The following CLK1 variants were observed in gnomAD, a reference collection of about 807,000 sequenced individuals.
The protein encoded by CLK1 is dual specificity protein kinase CLK1.
Under a neutral mutation model 60.9 loss-of-function variants are expected in CLK1, and 40 were observed. That is an observed-to-expected ratio of 0.66 (90% CI 0.51 to 0.86). The LOEUF is 0.86. CLK1 is among the 40% of genes least tolerant of loss of function. The pLI, the probability that CLK1 is intolerant of heterozygous loss-of-function variation, is 0.00. For synonymous variants in CLK1, 203 were observed against 184.4 expected (o/e 1.10, Z -0.82); for missense variants, 563 against 606.1 (o/e 0.93, Z 0.75).
chr2:200,856,771 A>G lies in CLK1; in HGVS notation c.968T>C (p.Val323Ala). Residue 323 changes from valine (V) to alanine (A), a missense_variant, in exon 9 of 13, where the codon GTT (valine) becomes GCT (alanine). Transcript: ENST00000321356. Reference sequence around the variant, plus strand: ...ATATGTTGCACTACCAAAGTCTACAACTTTAATATCTGGATTTATTAAGGT... The same window carrying G: ...ATATGTTGCACTACCAAAGTCTACAGCTTTAATATCTGGATTTATTAAGGT... ...ERTLINPDIK[V>A]VDFGSATYDD... The G allele has an allele frequency of 1.9e-6, 3 of 1,613,838 alleles. No individual in the cohort carries two copies. Among genetic ancestry groups the G allele is most frequent in the Non-Finnish European group, 1.7e-6 (2 of 1,179,870 alleles).
intron 11 of CLK1, 95 bp downstream of exon 11, chr2:200,854,521 G>A: frequency 1.3e-6 from 1 of 741,684 alleles, no homozygotes; most frequent in East Asian, 2.5e-5. Flanking sequence ...GGGCAACAGA[G>A]CAAGACTCCA....
Position 200,856,974 on chromosome 2 carries a change from T to TAC in CLK1, c.842_843dup (p.Asn282ValfsTer4). The TAC allele has an allele frequency of 6.2e-7, 1 of 1,613,638 alleles. No homozygotes were observed. Among genetic ancestry groups the TAC allele is most frequent in the Non-Finnish European group, 8.5e-7 (1 of 1,179,684 alleles). ...TTTAAGTCTGTGTGAGTCAACTTATTACTGTGCAAAACTGAGAATAAAGAG... is the reference window on the plus strand; with the variant it reads ...TTTAAGTCTGTGTGAGTCAACTTATTACACTGTGCAAAACTGAGAATAAAGAG... On this transcript the variant is annotated frameshift_variant, in exon 8 of 13. Coordinates refer to ENST00000321356, the MANE Select transcript of CLK1 (RefSeq NM_004071.4). LOFTEE classifies it high-confidence loss of function.
At position 200,859,752 on chromosome 2, in the gene CLK1, AG is replaced by A. The variant is rs780344450; in HGVS notation, c.482-7del. 6.2e-7 allele frequency: 1 copy of A among 1,612,890 alleles called. No individual in the cohort carries two copies. The highest frequency in any genetic ancestry group is 1.1e-5 in the South Asian group (1 of 90,966). Reference sequence around the variant, plus strand: ...TAAAGTATCAACAATTTCATCTAAAAGAGAGAAATAAATCTCAGTCATATCA... The same window carrying A: ...TAAAGTATCAACAATTTCATCTAAAAAGAGAAATAAATCTCAGTCATATCA... On this transcript the variant is annotated splice_region_variant and splice_polypyrimidine_tract_variant and intron_variant, in intron 4 of 12. Transcript: ENST00000321356.
intron 1 of CLK1, among the ~76,000 whole-genome samples, chr2:200,863,543 G>A (rs1004182486): frequency 1.4e-4 from 21 of 151,264 alleles, no homozygotes; most frequent in Admixed American, 7.9e-4. Flanking sequence ...GGGCGACAGG[G>A]GCGAGACCTT....
intron 4 of CLK1, 134 bp downstream of exon 4, chr2:200,859,991 C>G: frequency 6.9e-7 from 1 of 1,442,464 alleles, no homozygotes; most frequent in Non-Finnish European, 9.1e-7. Context: ...CAATCCCCCC[C>G]ACCAAAAGAA....
intron 1 of CLK1, chr2:200,863,051 T>G (rs1403272847): frequency 6.6e-6 from 1 of 152,220 alleles, no homozygotes; most frequent in Admixed American, 6.5e-5. Context: ...ATCTCTAACC[T>G]AACAACTTGA....
chr2:200,860,630 T>C (rs2039121960), intron 3 of CLK1: 1 of 997,712 alleles, frequency 1.0e-6, no homozygotes, highest in Non-Finnish European at 1.2e-6. Flanking sequence ...TAAGATTTCC[T>C]ACCTAATCTA....
chr2:200,856,348 A>C (rs1415988922), intron 9 of CLK1, among the ~76,000 whole-genome samples: 1 of 151,840 alleles, frequency 6.6e-6, no homozygotes, highest in Non-Finnish European at 1.5e-5. Flanking sequence ...GGGATTACAG[A>C]TGTGAGCCAC....
At position 200,853,365 on chromosome 2, in the gene CLK1, T is replaced by G. The variant is rs2038976998; in HGVS notation, c.1396A>C (p.Ile466Leu). Residue 466 changes from isoleucine to leucine, a missense_variant, in exon 13 of 13, where the codon ATT becomes CTT. Around this residue, in one of 3 missense-constraint regions of CLK1, gnomAD observed 360 missense variants for 407.0 expected, o/e 0.88. Coordinates refer to ENST00000321356, the MANE Select transcript of CLK1 (RefSeq NM_004071.4). ...TGCTTTAAGGCTTCTCTGAGAGTAA[T>G]TCTTTTGGCTGGATCATACTCCAAC... ...KMLEYDPAKR[I>L]TLREALKHPF... is the part of the protein sequence containing the mutation. 8.1e-6 allele frequency: 13 copies of G among 1,613,440 alleles called. No homozygotes were observed. Among genetic ancestry groups the G allele is most frequent in the African/African-American group, 1.3e-5 (1 of 74,912 alleles).
intron 9 of CLK1, 144 bp from the exon 10 acceptor site, chr2:200,855,230 C>A: frequency 1.7e-6 from 1 of 595,362 alleles, no homozygotes; most frequent in Non-Finnish European, 2.9e-6. Context: ...AATCCCAGCA[C>A]TTTGGGAGGC....
intron 3 of CLK1, chr2:200,860,703 G>C (rs898651643): frequency 2.0e-6 from 2 of 997,188 alleles, no homozygotes; most frequent in African/African-American, 3.5e-5. Flanking sequence ...AAAAAGATTT[G>C]GCATACAAGA....
At chr2:200,855,773 C>T (rs1249119893) in intron 9 of CLK1, among the ~76,000 whole-genome samples, 1 of 152,050 alleles carries the variant, frequency 6.6e-6, no homozygotes, top group Non-Finnish European at 1.5e-5. Flanking sequence ...CTTTGCAAAG[C>T]CAAGGCAGGC....
chr2:200,853,480 C>A, intron 12 of CLK1, 31 bp from the exon 13 acceptor site: 1 of 1,587,406 alleles, frequency 6.3e-7, no homozygotes, highest in Non-Finnish European at 8.6e-7. Flanking sequence ...CATTCAACAG[C>A]CTTTTCCACT....
chr2:200,855,630 C>A (rs113742104), intron 9 of CLK1, among the ~76,000 whole-genome samples: 24 of 117,774 alleles, frequency 2.0e-4, no homozygotes, highest in East Asian at 4.4e-4. Context: ...GCCCCCCCCC[C>A]AAAAAATTAT....
chr2:200,854,848 T>C (rs916149069), intron 10 of CLK1, 153 bp from the exon 11 acceptor site: 9 of 769,212 alleles, frequency 1.2e-5, no homozygotes, highest in African/African-American at 1.1e-4. Flanking sequence ...TACTGAAAGA[T>C]GTTTTAAATA....
Position 200,861,381 on chromosome 2 carries a change from C to G in CLK1, c.247G>C (p.Gly83Arg), listed in dbSNP as rs748739723. The G allele has an allele frequency of 1.2e-6, 2 of 1,614,022 alleles. No homozygotes were observed. Among genetic ancestry groups the G allele is most frequent in the Non-Finnish European group, 1.7e-6 (2 of 1,180,028 alleles). Residue 83 changes from glycine (G) to arginine (R), a missense_variant, in exon 3 of 13, where the codon GGA becomes CGA. Gly to Arg is a moderately radical substitution (Grantham distance 125). Coordinates refer to ENST00000321356, the MANE Select transcript of CLK1 (RefSeq NM_004071.4). Reference protein sequence around the residue: ...IDEYRNDYTQGCEPGHRQRDH... With the variant: ...IDEYRNDYTQRCEPGHRQRDH... ...CTTTGGCGATGTCCAGGTTCACATC[C>G]TTGAGTGTAGTCATTTCTGTACTCA...
At chr2:200,858,323 C>G (rs2039077068) in intron 5 of CLK1, among the ~76,000 whole-genome samples, 1 of 152,160 alleles carries the variant, frequency 6.6e-6, no homozygotes, top group Non-Finnish European at 1.5e-5. Context: ...TATATGGTAC[C>G]TGTCACTGTC....
chr2:200,859,913 C>A (rs2039107235), intron 4 of CLK1, 167 bp from the exon 5 acceptor site: 6 of 1,429,694 alleles, frequency 4.2e-6, no homozygotes, highest in Non-Finnish European at 5.5e-6. Flanking sequence ...GGTCTAATTT[C>A]ATTAATTTGA....
At chr2:200,864,118 C>T in intron 1 of CLK1, 1 of 1,550,946 alleles carries the variant, frequency 6.4e-7, no homozygotes, top group Non-Finnish European at 8.7e-7. Context: ...AACGTTTCCC[C>T]ACAGCTGCTT....
Sources: gnomAD v4.1 joint callset for allele counts (sites outside exome capture counted in the v4.1 genomes callset) on GRCh38, gnomAD v4.1.1 for gene constraint, gnomAD v4.1.1 regional missense constraint, MANE v1.5 for transcripts, NCBI Gene and HGNC (gene_info 2026-07-23, HGNC 2026-07-21) for gene names.